Variants in FAR2 observed in about 807,000 individuals in gnomAD.
The protein encoded by FAR2 is fatty acyl-CoA reductase 2, also known as epididymis secretory protein Li 81.
Under a neutral mutation model 56.0 loss-of-function variants are expected in FAR2, and 19 were observed. That is an observed-to-expected ratio of 0.34 (90% CI 0.24 to 0.50). FAR2 has a LOEUF of 0.50. Among genes scored for constraint, FAR2 ranks in the 20% least tolerant of loss-of-function variants. The pLI, the probability that FAR2 is intolerant of heterozygous loss-of-function variation, is 0.98. For synonymous variants in FAR2, 219 were observed against 218.8 expected, an observed-to-expected ratio of 1.00 and a Z score of -0.01; for missense variants, 508 against 642.2, an observed-to-expected ratio of 0.79 and a Z score of 2.26.
intron 1 of FAR2, among the ~76,000 whole-genome samples, chr12:29,187,655 A>T (rs991750705): frequency 6.6e-6 from 1 of 152,218 alleles, no homozygotes; most frequent in African/African-American, 2.4e-5. Context: ...GGTCTTTTCT[A>T]GTCTACATAT....
At chr12:29,172,630 A>C (rs879744089) in intron 1 of FAR2, among the ~76,000 whole-genome samples, 5 of 152,112 alleles carry the variant, frequency 3.3e-5, no homozygotes, top group Non-Finnish European at 7.4e-5. Flanking sequence ...CCCAGGGCTC[A>C]CTTTTGGAGC....
At chr12:29,302,259 AAAAG>A (rs1949184725) in intron 4 of FAR2, among the ~76,000 whole-genome samples, 1 of 130,852 alleles carries the variant, frequency 7.6e-6, no homozygotes, top group Non-Finnish European at 1.7e-5. Flanking sequence ...AAAAAAAAAA[AAAAG>A]GTGCTTTCTT....
At chr12:29,279,841 A>C (rs1435937469) in intron 2 of FAR2, among the ~76,000 whole-genome samples, 1 of 152,176 alleles carries the variant, frequency 6.6e-6, no homozygotes, top group Non-Finnish European at 1.5e-5. Flanking sequence ...CATAAACTGT[A>C]TCTGATAATA....
At chr12:29,225,791 C>T in intron 1 of FAR2, among the ~76,000 whole-genome samples, 1 of 152,202 alleles carries the variant, frequency 6.6e-6, no homozygotes, top group East Asian at 1.9e-4. Context: ...CTTCACAAAG[C>T]CTCACCTTTT....
chr12:29,241,278 C>G (rs780890278), intron 1 of FAR2, among the ~76,000 whole-genome samples: 1 of 152,144 alleles, frequency 6.6e-6, no homozygotes, highest in African/African-American at 2.4e-5. Flanking sequence ...CATGTCTCCA[C>G]TTCATCTTTT....
intron 8 of FAR2, among the ~76,000 whole-genome samples, chr12:29,316,157 A>C (rs758899333): frequency 1.3e-5 from 2 of 152,198 alleles, no homozygotes; most frequent in Non-Finnish European, 2.9e-5. Flanking sequence ...CTTTGAAAAA[A>C]AACCTACATA....
intron 2 of FAR2, chr12:29,292,467 AATTAAC>A (rs1301828625): frequency 6.6e-6 from 1 of 152,256 alleles, no homozygotes; most frequent in Non-Finnish European, 1.5e-5. Context: ...TTTGTTGTAC[AATTAAC>A]ATTAACTATC....
intron 10 of FAR2, 41 bp from the exon 11 acceptor site, chr12:29,332,559 C>T: frequency 1.2e-6 from 2 of 1,611,738 alleles, no homozygotes; most frequent in Non-Finnish European, 1.7e-6. Context: ...GACTGTCCAG[C>T]ACTGCAATTC....
intron 2 of FAR2, among the ~76,000 whole-genome samples, chr12:29,284,355 A>C (rs571532892): frequency 2.4e-4 from 37 of 152,364 alleles, no homozygotes; most frequent in African/African-American, 8.2e-4. Flanking sequence ...ATCCGAGAAG[A>C]CCAGACAAAA....
intron 1 of FAR2, among the ~76,000 whole-genome samples, chr12:29,180,880 C>T (rs1181789882): frequency 6.6e-6 from 1 of 152,092 alleles, no homozygotes; most frequent in Non-Finnish European, 1.5e-5. Context: ...ATTTTCTTCT[C>T]ATAATCCTTC....
At chr12:29,223,442 A>G (rs916409583) in intron 1 of FAR2, among the ~76,000 whole-genome samples, 1 of 152,204 alleles carries the variant, frequency 6.6e-6, no homozygotes, top group Admixed American at 6.5e-5. Flanking sequence ...ATAGTGCAGT[A>G]TTTAGCAGGT....
At chr12:29,322,953 G>A (rs560244306) in intron 10 of FAR2, among the ~76,000 whole-genome samples, 1 of 152,192 alleles carries the variant, frequency 6.6e-6, no homozygotes, top group Admixed American at 6.5e-5. Context: ...TGCACCCACT[G>A]TCCGGCACTC....
intron 1 of FAR2, among the ~76,000 whole-genome samples, chr12:29,205,597 G>A (rs1269881717): frequency 6.6e-6 from 1 of 152,172 alleles, no homozygotes; most frequent in Non-Finnish European, 1.5e-5. Flanking sequence ...CTGAAGACAA[G>A]GAGGCCAATG....
chr12:29,172,386 T>A (rs71453727), intron 1 of FAR2, among the ~76,000 whole-genome samples: 13,020 of 151,016 alleles, frequency 0.086, 724 homozygotes, highest in South Asian at 0.2. Flanking sequence ...ATTAAAAGTT[T>A]AAAAAAAAAA....
At chr12:29,321,384 G>T (rs1949548497) in intron 9 of FAR2, among the ~76,000 whole-genome samples, 1 of 152,040 alleles carries the variant, frequency 6.6e-6, no homozygotes, top group African/African-American at 2.4e-5. Context: ...AATTAGCTGG[G>T]CCCCACTGCG....
At position 29,335,567 on chromosome 12, in the gene FAR2, A is replaced by G. The variant is rs1357707665; in HGVS notation, c.*1773A>G. 6.6e-6 allele frequency: 1 copy of G among 152,154 alleles called. No individual in the cohort carries two copies. The highest frequency in any genetic ancestry group is 1.9e-4 in the East Asian group (1 of 5,194). The allele number at this position is 152,154 out of a possible 1,614,324, so 9.4% of individuals were successfully genotyped here. A position where few individuals can be genotyped will look rare whatever the true frequency, so the allele number is the denominator to read the frequency against. ...TACCAATTCAATAATTCCACTAATC[A>G]AGTATTCACATTTTGACTTTTGATT... On this transcript the variant is annotated 3_prime_UTR_variant, in exon 12 of 12. Coordinates refer to ENST00000536681, the MANE Select transcript of FAR2 (RefSeq NM_001271783.2).
intron 10 of FAR2, among the ~76,000 whole-genome samples, chr12:29,323,354 C>T (rs1033587930): frequency 2.6e-5 from 4 of 152,234 alleles, no homozygotes; most frequent in Non-Finnish European, 5.9e-5. Flanking sequence ...CAGCAATAAC[C>T]TCTGCAGTCT....
chr12:29,285,570 G>C (rs991093051), intron 2 of FAR2, among the ~76,000 whole-genome samples: 7 of 151,928 alleles, frequency 4.6e-5, no homozygotes, highest in African/African-American at 1.5e-4. Context: ...AGGGAGGGAA[G>C]GAGGGAAGGA....
chr12:29,266,677 A>T (rs1948522119), intron 1 of FAR2, among the ~76,000 whole-genome samples: 1 of 152,152 alleles, frequency 6.6e-6, no homozygotes, highest in Non-Finnish European at 1.5e-5. Flanking sequence ...AAGAATGGAT[A>T]AATGCTTGAG....
Sources: gnomAD v4.1 joint callset for allele counts (sites outside exome capture counted in the v4.1 genomes callset) on GRCh38, gnomAD v4.1.1 for gene constraint, MANE v1.5 for transcripts, NCBI Gene and HGNC (gene_info 2026-07-23, HGNC 2026-07-21) for gene names.